Variants in SLC45A4 observed in about 807,000 individuals in gnomAD.
The protein encoded by SLC45A4 is solute carrier family 45 member 4.
SLC45A4 carries 32 observed loss-of-function variants against 63.7 expected under a neutral mutation model. That is an observed-to-expected ratio of 0.50 (90% CI 0.38 to 0.67). SLC45A4 has a LOEUF of 0.67. Ranked by LOEUF, SLC45A4 falls within the 30% of genes least tolerant of loss-of-function variation. The pLI is 0.00. For synonymous variants in SLC45A4, 535 were observed against 510.0 expected (o/e 1.05, Z -0.66); for missense variants, 1,027 against 1,157.7 (o/e 0.89, Z 1.64).
intron 1 of SLC45A4, among the ~76,000 whole-genome samples, chr8:141,269,589 T>G (rs1398631398): frequency 6.6e-6 from 1 of 150,770 alleles, no homozygotes; most frequent in Non-Finnish European, 1.5e-5. Flanking sequence ...TCTGTGTGTG[T>G]GGGTGTGTCT....
rs886428423 is a variant in SLC45A4, at chr8:141,207,716, G to A, written c.*3856C>T. 2 of 152,278 alleles carry A rather than the reference G, an allele frequency of 1.3e-5. No individual in the cohort carries two copies. Among genetic ancestry groups the A allele is most frequent in the Non-Finnish European group, 2.9e-5 (2 of 68,074 alleles). The allele number at this position is 152,278 out of a possible 1,614,324, so 9.4% of individuals were successfully genotyped here. ...CCCTGGCAGCACTGTGGAGGGCAAG[G>A]GATGCCGCTAGGAGGGGTGCTCAGT... is the stretch of plus-strand genomic sequence containing the variant. On this transcript the variant is annotated 3_prime_UTR_variant, in exon 9 of 9. Transcript: ENST00000517878.
At chr8:141,230,732 C>T (rs1020757368) in intron 2 of SLC45A4, among the ~76,000 whole-genome samples, 3 of 152,250 alleles carry the variant, frequency 2.0e-5, no homozygotes, top group Admixed American at 1.3e-4. Flanking sequence ...CCTGAAAAGT[C>T]TCCTGCCCAG....
In SLC45A4 at chr8:141,239,608, A is replaced by G. The variant is rs988099375; in HGVS notation, c.241+14381T>C. ...CACACACACACACACACGCACGCAC[A>G]CACACAGCATCATGAGGTGCATTTT... On this transcript the variant is annotated intron_variant, in intron 2 of 8. Transcript: ENST00000517878. 1.3e-4 allele frequency among the ~76,000 whole-genome samples: 20 copies of G among 152,044 alleles called. No homozygotes were observed. The South Asian group carries it at 1.5e-3, about 11-fold the overall frequency.
chr8:141,286,511 G>C (rs183457874), intron 1 of SLC45A4, among the ~76,000 whole-genome samples: 73 of 152,298 alleles, frequency 4.8e-4, no homozygotes, highest in Admixed American at 9.8e-4. Flanking sequence ...ATGAGGGCAG[G>C]TGCAAATCGA....
Position 141,218,434 on chromosome 8 carries a change from G to C in SLC45A4, c.1206C>G (p.Asp402Glu). 6.2e-7 allele frequency: 1 copy of C among 1,612,238 alleles called. No individual in the cohort carries two copies. The highest frequency in any genetic ancestry group is 8.5e-7 in the Non-Finnish European group (1 of 1,179,934). ...KDALGGYTRV[D>E]TKPSATSSSM... Reference sequence around the variant, plus strand: ...AGCTCGACGTGGCCGAGGGCTTCGTGTCCACCCTGGTGTAGCCGCCGAGGG... The same window carrying C: ...AGCTCGACGTGGCCGAGGGCTTCGTCTCCACCCTGGTGTAGCCGCCGAGGG... The change falls in exon 5 of 9, where the codon GAC becomes GAG. Residue 402 changes from aspartate to glutamate, a missense_variant. By Grantham distance (45) the Asp-to-Glu change is conservative. Transcript: ENST00000517878.
intron 1 of SLC45A4, among the ~76,000 whole-genome samples, chr8:141,300,433 T>C (rs903002209): frequency 1.3e-5 from 2 of 152,272 alleles, no homozygotes; most frequent in Non-Finnish European, 2.9e-5. Flanking sequence ...TAAATCTTTC[T>C]ACTTTTTGAG....
At chr8:141,264,376 A>G (rs1439471400) in intron 1 of SLC45A4, among the ~76,000 whole-genome samples, 1 of 152,116 alleles carries the variant, frequency 6.6e-6, no homozygotes, top group African/African-American at 2.4e-5. Flanking sequence ...CAAGGCTGCA[A>G]TCTGTCCCAC....
At chr8:141,279,211 A>G (rs1309618695) in intron 1 of SLC45A4, among the ~76,000 whole-genome samples, 2 of 152,190 alleles carry the variant, frequency 1.3e-5, no homozygotes, top group African/African-American at 4.8e-5. Flanking sequence ...CCCTGGCTCT[A>G]TCCCCACCGT....
At chr8:141,269,873 G>T (rs139449537) in intron 1 of SLC45A4, among the ~76,000 whole-genome samples, 206 of 152,274 alleles carry the variant, frequency 1.4e-3, no homozygotes, top group African/African-American at 4.7e-3. Context: ...CCCCAGGAAT[G>T]AGCGGACACC....
At chr8:141,219,460 G>A (rs1413052060) in intron 4 of SLC45A4, among the ~76,000 whole-genome samples, 190 bp downstream of exon 4, 1 of 152,152 alleles carries the variant, frequency 6.6e-6, no homozygotes, top group Non-Finnish European at 1.5e-5. Context: ...TCAGTGCCTT[G>A]GCCCCACTGT....
chr8:141,274,469 G>A (rs1203510208), intron 1 of SLC45A4, among the ~76,000 whole-genome samples: 1 of 151,356 alleles, frequency 6.6e-6, no homozygotes, highest in Non-Finnish European at 1.5e-5. Context: ...GGGAGGCGGA[G>A]GTTGCAGTGA....
chr8:141,263,840 T>C (rs909700470), intron 1 of SLC45A4, among the ~76,000 whole-genome samples: 1 of 151,124 alleles, frequency 6.6e-6, no homozygotes, highest in Non-Finnish European at 1.5e-5. Context: ...ATAAATTAAT[T>C]AAGGGTCCTA....
intron 3 of SLC45A4, among the ~76,000 whole-genome samples, chr8:141,220,192 C>T (rs1265197014): frequency 1.3e-5 from 2 of 152,208 alleles, no homozygotes; most frequent in Admixed American, 6.5e-5. Flanking sequence ...CTAAGAAGGC[C>T]GCACATGGTA....
In SLC45A4 at chr8:141,223,538, C is replaced by T. The variant is rs138115672; in HGVS notation, c.242-1773G>A. On this transcript the variant is annotated intron_variant, in intron 2 of 8. Coordinates refer to ENST00000517878, the MANE Select transcript of SLC45A4 (RefSeq NM_001286646.2). Reference sequence around the variant, plus strand: ...ATGTCGGCAAACCCGTGCCAGGCAGCCCCTCGCAGAGCTGCGGAGCCTGTG... The same window carrying T: ...ATGTCGGCAAACCCGTGCCAGGCAGTCCCTCGCAGAGCTGCGGAGCCTGTG... 8.6e-3 allele frequency among the ~76,000 whole-genome samples: 1,313 copies of T among 152,342 alleles called. 18 individuals carry two copies. The highest frequency in any genetic ancestry group is 0.03 in the African/African-American group (1,259 of 41,580).
intron 8 of SLC45A4, 52 bp downstream of exon 8, chr8:141,212,145 C>CCCCGGGGGGGGGGGGGGGGGG: frequency 1.0e-6 from 1 of 955,996 alleles, no homozygotes; most frequent in Non-Finnish European, 1.3e-6. Context: ...GCCGCCCGCC[C>CCCCGGGGGGGGGGGGGGGGGG]GCCCGCCCAC....
At chr8:141,242,967 G>GC (rs1827991181) in intron 2 of SLC45A4, among the ~76,000 whole-genome samples, 1 of 152,224 alleles carries the variant, frequency 6.6e-6, no homozygotes, top group East Asian at 1.9e-4. Context: ...CGGGGAGCCG[G>GC]CAGGGCGAGG....
At chr8:141,275,602 CCT>C (rs912693722) in intron 1 of SLC45A4, among the ~76,000 whole-genome samples, 4 of 151,230 alleles carry the variant, frequency 2.6e-5, no homozygotes, top group African/African-American at 7.3e-5. Flanking sequence ...TAGTGAGACC[CCT>C]GTCTCAAAAA....
intron 1 of SLC45A4, among the ~76,000 whole-genome samples, chr8:141,273,690 T>C (rs935384881): frequency 3.3e-5 from 5 of 152,130 alleles, no homozygotes; most frequent in African/African-American, 7.2e-5. Context: ...ATTAGACCTT[T>C]TGATGGTTCT....
At chr8:141,245,100 A>G (rs552010319) in intron 2 of SLC45A4, among the ~76,000 whole-genome samples, 1 of 152,306 alleles carries the variant, frequency 6.6e-6, no homozygotes, top group South Asian at 2.1e-4. Flanking sequence ...GCTGACTACG[A>G]ACCCAAGTGG....
Sources: gnomAD v4.1 joint callset for allele counts (sites outside exome capture counted in the v4.1 genomes callset) on GRCh38, gnomAD v4.1.1 for gene constraint, MANE v1.5 for transcripts, NCBI Gene and HGNC (gene_info 2026-07-23, HGNC 2026-07-21) for gene names.